Variants in HIP1 observed in about 807,000 individuals in gnomAD.
HIP1 encodes huntingtin-interacting protein 1.
In HIP1, 65 loss-of-function variants were observed where a neutral mutation model predicts 147.6. The observed-to-expected ratio is 0.44, with a 90% confidence interval of 0.36 to 0.54. HIP1 has a LOEUF of 0.54. Among genes scored for constraint, HIP1 ranks in the 20% least tolerant of loss-of-function variants. HIP1 has a pLI of 0.00. For synonymous variants in HIP1, 479 were observed against 504.0 expected (o/e 0.95, Z 0.67); for missense variants, 1,061 against 1,299.6 (o/e 0.82, Z 2.82).
At position 75,586,742 on chromosome 7, in the gene HIP1, C is replaced by T; in HGVS notation, c.465+11G>A. On this transcript the variant is annotated intron_variant, in intron 5 of 30. Transcript: ENST00000336926. Reference sequence around the variant, plus strand: ...GCGGCGGTGGCGGCAGAACTGTCCGCAGAGACTCACTTTGGTGTGGTACTC... The same window carrying T: ...GCGGCGGTGGCGGCAGAACTGTCCGTAGAGACTCACTTTGGTGTGGTACTC... The T allele has an allele frequency of 1.3e-6, 2 of 1,590,528 alleles. No individual in the cohort carries two copies. The highest frequency in any genetic ancestry group is 1.7e-6 in the Non-Finnish European group (2 of 1,159,032).
At chr7:75,663,392 C>T (rs1479334972) in intron 1 of HIP1, among the ~76,000 whole-genome samples, 2 of 152,084 alleles carry the variant, frequency 1.3e-5, no homozygotes, top group Non-Finnish European at 2.9e-5. Flanking sequence ...GGAACCTAGG[C>T]AGTCAAGGCT....
intron 2 of HIP1, 111 bp from the exon 3 acceptor site, chr7:75,592,625 G>A: frequency 8.8e-7 from 1 of 1,135,018 alleles, no homozygotes. Flanking sequence ...CATCACAGGG[G>A]ATAGAGGCTG....
At chr7:75,558,290 C>T (rs370932332) in intron 14 of HIP1, 35 bp from the exon 15 acceptor site, 1 of 1,520,018 alleles carries the variant, frequency 6.6e-7, no homozygotes, top group Admixed American at 1.7e-5. Context: ...GGAGTCTAAC[C>T]TAGCAGGGAC....
At chr7:75,561,063 A>T (rs782438970) in intron 13 of HIP1, among the ~76,000 whole-genome samples, 1 of 150,878 alleles carries the variant, frequency 6.6e-6, no homozygotes, top group Non-Finnish European at 1.5e-5. Context: ...AGCAATTCTC[A>T]TGCCTCAGCT....
chr7:75,646,650 T>C (rs1798812998), intron 1 of HIP1, among the ~76,000 whole-genome samples: 3 of 152,236 alleles, frequency 2.0e-5, no homozygotes, highest in Non-Finnish European at 4.4e-5. Flanking sequence ...GTGGCCCCCT[T>C]TCCCCAGGGG....
At chr7:75,550,262 C>T (rs1457787438) in intron 22 of HIP1, among the ~76,000 whole-genome samples, 1 of 152,162 alleles carries the variant, frequency 6.6e-6, no homozygotes, top group African/African-American at 2.4e-5. Context: ...TTATCCACCA[C>T]CCAACTTAAA....
chr7:75,663,637 G>T (rs1298484917), intron 1 of HIP1, among the ~76,000 whole-genome samples: 1 of 151,778 alleles, frequency 6.6e-6, no homozygotes, highest in Non-Finnish European at 1.5e-5. Context: ...AGTGAAGAGG[G>T]TACTGCCAGT....
rs533457257 is a variant in HIP1, at chr7:75,688,723, G to A, written c.120+50078C>T. Among the ~76,000 whole-genome samples, 306 of 152,160 alleles carry A rather than the reference G, an allele frequency of 2.0e-3. 1 individual carries two copies. Among genetic ancestry groups the A allele is most frequent in the Admixed American group, 3.0e-3 (46 of 15,272 alleles). On this transcript the variant is annotated intron_variant, in intron 1 of 30. Coordinates refer to ENST00000336926, the MANE Select transcript of HIP1 (RefSeq NM_005338.7). ...CCAGCAGGTGGGAGGTTGTTTGCAC[G>A]GGCCTCCCAGCTCTGCCCCCCAACA... is the stretch of plus-strand genomic sequence containing the variant.
intron 1 of HIP1, among the ~76,000 whole-genome samples, chr7:75,729,374 C>T (rs1801759932): frequency 6.6e-6 from 1 of 150,458 alleles, no homozygotes; most frequent in Admixed American, 6.7e-5. Flanking sequence ...GTAGTCCCAG[C>T]TGCTCAGGAG....
chr7:75,639,388 A>T (rs1798564531), intron 1 of HIP1, among the ~76,000 whole-genome samples: 1 of 150,082 alleles, frequency 6.7e-6, no homozygotes, highest in South Asian at 2.1e-4. Flanking sequence ...TCCCGGAATC[A>T]GCTGGCGGGG....
At position 75,568,387 on chromosome 7, in the gene HIP1, G is replaced by T. The variant is rs1347311633; in HGVS notation, c.746-131C>A. 1.4e-6 allele frequency: 1 copy of T among 702,932 alleles called. No homozygotes were observed. 43.5% of individuals were successfully genotyped at this position (702,932 alleles called of 1,614,324 possible). A position where few individuals can be genotyped will look rare whatever the true frequency, so the allele number is the denominator to read the frequency against. ...CCAGCACTGCCAGGGGCCACGACTG[G>T]CCTAGAGCTGTCCCGAGGTCTGGTA... On this transcript the variant is annotated intron_variant, in intron 8 of 30. Coordinates refer to ENST00000336926, the MANE Select transcript of HIP1 (RefSeq NM_005338.7). The surrounding 1 kb of genome is among the most constrained non-coding windows in gnomAD (Gnocchi z 4.1).
At chr7:75,556,686 C>CA (rs781922095) in intron 17 of HIP1, 24 bp downstream of exon 17, 81,392 of 986,436 alleles carry the variant, frequency 0.083, 21 homozygotes, top group East Asian at 0.095. Flanking sequence ...ACTCTATCTC[C>CA]AAAAAAAAAA....
At chr7:75,579,881 T>C (rs2116916823) in intron 7 of HIP1, among the ~76,000 whole-genome samples, 1 of 152,264 alleles carries the variant, frequency 6.6e-6, no homozygotes, top group East Asian at 1.9e-4. Context: ...TGTGGAACGT[T>C]GTCTTTCAGA....
intron 1 of HIP1, chr7:75,733,950 C>CA (rs1172357376): frequency 2.5e-4 from 38 of 153,468 alleles, no homozygotes; most frequent in Admixed American, 1.2e-3. Flanking sequence ...CCCATCTCTA[C>CA]AAAAAAAATT....
chr7:75,581,403 G>A, intron 6 of HIP1, 105 bp from the exon 7 acceptor site: 1 of 784,170 alleles, frequency 1.3e-6, no homozygotes. Context: ...ATGCTCATGT[G>A]CATGCGCAAA....
At chr7:75,556,660 T>A in intron 17 of HIP1, 50 bp downstream of exon 17, 1 of 1,205,730 alleles carries the variant, frequency 8.3e-7, no homozygotes, top group Non-Finnish European at 1.2e-6. Flanking sequence ...CATTCCAACC[T>A]GAGTGACAGA....
intron 1 of HIP1, among the ~76,000 whole-genome samples, chr7:75,665,049 G>A (rs535196968): frequency 1.3e-5 from 2 of 152,082 alleles, no homozygotes; most frequent in Non-Finnish European, 2.9e-5. Context: ...CAAGGTGTTC[G>A]AAACCAGCCT....
chr7:75,602,883 C>T (rs1258806161), intron 1 of HIP1, among the ~76,000 whole-genome samples: 3 of 146,026 alleles, frequency 2.1e-5, no homozygotes, highest in South Asian at 4.4e-4. Context: ...GATGAGGTCA[C>T]ACTGGAGTAG....
intron 1 of HIP1, among the ~76,000 whole-genome samples, chr7:75,651,980 G>T (rs1415370546): frequency 2.0e-5 from 3 of 150,596 alleles, no homozygotes; most frequent in African/African-American, 7.4e-5. Flanking sequence ...CTGCACTGCA[G>T]CCTGGGCGAC....
Sources: allele counts gnomAD v4.1 joint callset (sites outside exome capture counted in the v4.1 genomes callset), GRCh38; gene constraint gnomAD v4.1.1; non-coding constraint Gnocchi (gnomAD v3.1); transcripts MANE v1.5; gene names NCBI Gene and HGNC (gene_info 2026-07-23, HGNC 2026-07-21).